SH3BGR: variants seen among roughly 807,000 people sequenced by gnomAD.
The protein encoded by SH3BGR is SH3 domain binding glutamate rich protein, also known as SH3 domain-binding glutamic acid-rich protein.
Under a neutral mutation model 24.5 loss-of-function variants are expected in SH3BGR, and 29 were observed. The observed-to-expected ratio is 1.18, with a 90% CI of 0.88 to 1.61. The LOEUF is 1.61. SH3BGR is among the 40% of genes most tolerant of loss of function. SH3BGR has a pLI of 0.00. For missense variants in SH3BGR, 162 were observed against 205.8 expected, an observed-to-expected ratio of 0.79 and a Z score of 1.30; for synonymous variants, 55 against 65.7, an observed-to-expected ratio of 0.84 and a Z score of 0.79.
chr21:39,478,681 T>C (rs1009654404), intron 3 of SH3BGR, among the ~76,000 whole-genome samples: 4 of 152,144 alleles, frequency 2.6e-5, no homozygotes, highest in Non-Finnish European at 5.9e-5. Flanking sequence ...TTGGATGAAT[T>C]CTCTAATTTT....
chr21:39,485,046 T>C (rs919906556), intron 3 of SH3BGR, among the ~76,000 whole-genome samples: 1 of 152,218 alleles, frequency 6.6e-6, no homozygotes, highest in Non-Finnish European at 1.5e-5. Flanking sequence ...TTTCTTGTCT[T>C]AGACAGGCTG....
intron 3 of SH3BGR, among the ~76,000 whole-genome samples, chr21:39,487,773 A>G (rs547665667): frequency 2.0e-5 from 3 of 152,352 alleles, no homozygotes; most frequent in South Asian, 4.1e-4. Context: ...ATTTTCCGGT[A>G]TCACTAGCGA....
At chr21:39,485,533 A>G (rs1339186567) in intron 3 of SH3BGR, among the ~76,000 whole-genome samples, 3 of 152,168 alleles carry the variant, frequency 2.0e-5, no homozygotes, top group African/African-American at 7.2e-5. Context: ...AATTACTATC[A>G]TCCCTCACCA....
At chr21:39,449,639 A>G (rs1203391868), upstream of SH3BGR, among the ~76,000 whole-genome samples, 3 of 152,196 alleles carry the variant, frequency 2.0e-5, no homozygotes, top group Non-Finnish European at 4.4e-5. Context: ...TTCGAAAAGA[A>G]TAAACTTAAA....
At chr21:39,499,938 C>T (rs948263220) in intron 4 of SH3BGR, 23 bp downstream of exon 4, 1 of 1,518,872 alleles carries the variant, frequency 6.6e-7, no homozygotes, top group Non-Finnish European at 9.1e-7. Context: ...TTTTTCACAG[C>T]AGTTTGACTG....
chr21:39,462,561 G>C lies in SH3BGR; in HGVS notation c.231+1G>C. ...CTTCAATGAGGAGCAGTACTGTGGGGTGAGTATGTGCTTCTATTAAAAATC... is the reference window on the plus strand; with the variant it reads ...CTTCAATGAGGAGCAGTACTGTGGGCTGAGTATGTGCTTCTATTAAAAATC... On this transcript the variant is annotated splice_donor_variant, in intron 2 of 6. Transcript: ENST00000333634. LOFTEE classifies it high-confidence loss of function. 6.5e-7 allele frequency: 1 copy of C among 1,543,712 alleles called. No individual in the cohort carries two copies. Among genetic ancestry groups the C allele is most frequent in the Non-Finnish European group, 8.7e-7 (1 of 1,153,986 alleles).
chr21:39,488,646 G>A, intron 3 of SH3BGR: 1 of 361,250 alleles, frequency 2.8e-6, no homozygotes, highest in Non-Finnish European at 5.5e-6. Context: ...ACAAGGAAGA[G>A]AAGGGCACCA....
At chr21:39,513,924 C>T (rs983468060) in intron 6 of SH3BGR, among the ~76,000 whole-genome samples, 8 of 151,752 alleles carry the variant, frequency 5.3e-5, no homozygotes, top group Admixed American at 1.3e-4. Flanking sequence ...ATGGCACAGC[C>T]GAGAGAGAAT....
intron 3 of SH3BGR, among the ~76,000 whole-genome samples, chr21:39,476,686 TTC>T (rs1324294267): frequency 1.3e-5 from 2 of 152,108 alleles, no homozygotes; most frequent in Non-Finnish European, 2.9e-5. Flanking sequence ...TTAACCCAAG[TTC>T]TCTGTCTTTC....
chr21:39,513,358 CT>C (rs2078730028), intron 6 of SH3BGR, among the ~76,000 whole-genome samples: 1 of 152,098 alleles, frequency 6.6e-6, no homozygotes, highest in African/African-American at 2.4e-5. Context: ...TAAAAATTGG[CT>C]GACAAATAGC....
intron 3 of SH3BGR, among the ~76,000 whole-genome samples, chr21:39,490,359 G>A (rs1019147627): frequency 6.6e-6 from 1 of 152,260 alleles, no homozygotes; most frequent in Middle Eastern, 3.4e-3. Context: ...ATTTGAAAAG[G>A]CTAAAATTCC....
At chr21:39,488,517 C>A in intron 3 of SH3BGR, 1 of 364,878 alleles carries the variant, frequency 2.7e-6, no homozygotes, top group Non-Finnish European at 4.5e-6. Flanking sequence ...TGTGAAGGTG[C>A]TGGACTTTGA....
chr21:39,490,269 A>G (rs1300779380), intron 3 of SH3BGR, among the ~76,000 whole-genome samples: 2 of 152,236 alleles, frequency 1.3e-5, no homozygotes, highest in Non-Finnish European at 2.9e-5. Context: ...GGAAAGGGAA[A>G]AAGCATAAGA....
chr21:39,482,789 C>G (rs1189920687), intron 3 of SH3BGR, among the ~76,000 whole-genome samples: 4 of 152,288 alleles, frequency 2.6e-5, no homozygotes, highest in African/African-American at 9.6e-5. Context: ...TGTGCCTCAG[C>G]CTCCAGAGTA....
At chr21:39,477,141 A>G (rs981983380) in intron 3 of SH3BGR, among the ~76,000 whole-genome samples, 1 of 152,048 alleles carries the variant, frequency 6.6e-6, no homozygotes, top group Non-Finnish European at 1.5e-5. Flanking sequence ...ACTCTATTAC[A>G]CTGATGTATC....
At chr21:39,498,976 G>C (rs937651657) in intron 3 of SH3BGR, among the ~76,000 whole-genome samples, 4 of 152,214 alleles carry the variant, frequency 2.6e-5, no homozygotes, top group Non-Finnish European at 4.4e-5. Context: ...ATGGTGGAAG[G>C]TGAAGGGGAA....
chr21:39,511,567 T>C lies in SH3BGR; in HGVS notation c.436-113T>C. On this transcript the variant is annotated intron_variant, in intron 5 of 6. Transcript: ENST00000333634. The surrounding 1 kb of genome is among the most constrained non-coding windows in gnomAD (Gnocchi z 4.2). ...GTTGTGTGTGTTTGTTTGTGTGTTGTGTGGTGGGGTGTGGGAGGCTTTGAC... is the reference window on the plus strand; with the variant it reads ...GTTGTGTGTGTTTGTTTGTGTGTTGCGTGGTGGGGTGTGGGAGGCTTTGAC... 3 of 886,926 alleles carry C rather than the reference T, an allele frequency of 3.4e-6. No individual in the cohort carries two copies. Among genetic ancestry groups the C allele is most frequent in the Middle Eastern group, 3.6e-4 (1 of 2,780 alleles). 54.9% of individuals were successfully genotyped at this position (886,926 alleles called of 1,614,324 possible).
At chr21:39,497,048 C>T (rs2078408398) in intron 3 of SH3BGR, among the ~76,000 whole-genome samples, 2 of 151,664 alleles carry the variant, frequency 1.3e-5, no homozygotes, top group African/African-American at 4.8e-5. Flanking sequence ...ACTTGACTTT[C>T]CAAATATTAA....
chr21:39,511,648 C>G lies in SH3BGR; in HGVS notation c.436-32C>G, dbSNP rs202161585. On this transcript the variant is annotated intron_variant, in intron 5 of 6. Coordinates refer to ENST00000333634, the MANE Select transcript of SH3BGR (RefSeq NM_007341.3). This position sits in a 1 kb window ranked among gnomAD's most constrained non-coding sequence, Gnocchi z 4.2. ...CACTGTATCCTTGGCCCTTATGCTT[C>G]TTAATACTAATGTAAGTTTTGTTAA... 38 of 1,604,162 alleles carry G rather than the reference C, an allele frequency of 2.4e-5. No individual in the cohort carries two copies. The Middle Eastern group carries it at 6.4e-4, about 27-fold the overall frequency.
Sources: gnomAD v4.1 joint callset for allele counts (sites outside exome capture counted in the v4.1 genomes callset) on GRCh38, gnomAD v4.1.1 for gene constraint, Gnocchi (gnomAD v3.1) non-coding constraint, MANE v1.5 for transcripts, NCBI Gene and HGNC (gene_info 2026-07-23, HGNC 2026-07-21) for gene names.